UNC79: variants seen among roughly 807,000 people sequenced by gnomAD.
The protein encoded by UNC79 is protein unc-79 homolog.
In UNC79, 37 loss-of-function variants were observed where a neutral mutation model predicts 283.1. The observed-to-expected ratio is 0.13, with a 90% confidence interval of 0.10 to 0.17. The LOEUF (loss-of-function observed/expected upper bound fraction) is 0.17. Ranked by LOEUF, UNC79 falls within the 10% of genes least tolerant of loss-of-function variation. UNC79 has a pLI of 1.00. For synonymous variants in UNC79, 1,107 were observed against 1,200.2 expected (o/e 0.92, Z 1.61); for missense variants, 2,272 against 3,211.1 (o/e 0.71, Z 7.07).
At chr14:93,441,097 C>T (rs1455208214) in intron 1 of UNC79, among the ~76,000 whole-genome samples, 3 of 151,996 alleles carry the variant, frequency 2.0e-5, no homozygotes, top group Admixed American at 6.6e-5. Context: ...GCTGCTTAAT[C>T]GAAGTTATTA....
intron 8 of UNC79, 68 bp downstream of exon 8, chr14:93,524,110 A>G: frequency 1.1e-5 from 17 of 1,540,092 alleles, no homozygotes; most frequent in Non-Finnish European, 1.3e-5. Context: ...GAAGTGGAGT[A>G]GATTGCATCC....
intron 39 of UNC79, among the ~76,000 whole-genome samples, chr14:93,660,580 T>TGTGTGTG (rs1555394986): frequency 9.6e-5 from 13 of 135,922 alleles, no homozygotes; most frequent in Non-Finnish European, 1.6e-4. Flanking sequence ...TGTGTGTGTG[T>TGTGTGTG]TCATTTTATT....
intron 10 of UNC79, among the ~76,000 whole-genome samples, chr14:93,530,051 C>T (rs116139752): frequency 9.3e-4 from 141 of 152,178 alleles, no homozygotes; most frequent in African/African-American, 3.2e-3. Context: ...GAGTAGAGAT[C>T]GGGGCACAGG....
intron 20 of UNC79, 57 bp from the exon 21 acceptor site, chr14:93,586,537 GAT>G: frequency 7.0e-7 from 1 of 1,431,810 alleles, no homozygotes; most frequent in Non-Finnish European, 9.6e-7. Context: ...TTGATAAATT[GAT>G]GAATGATGGG....
chr14:93,564,563 G>A (rs948754976), intron 14 of UNC79, among the ~76,000 whole-genome samples: 7 of 152,334 alleles, frequency 4.6e-5, no homozygotes, highest in East Asian at 1.9e-4. Flanking sequence ...TCTGAGTCAC[G>A]GCACCGAATT....
chr14:93,512,366 G>A (rs2059866707), intron 7 of UNC79, among the ~76,000 whole-genome samples: 1 of 150,878 alleles, frequency 6.6e-6, no homozygotes, highest in African/African-American at 2.4e-5. Context: ...CTTGAGTGTG[G>A]TGGTTTTTGT....
At chr14:93,532,346 C>T (rs1446137426) in intron 10 of UNC79, among the ~76,000 whole-genome samples, 1 of 151,880 alleles carries the variant, frequency 6.6e-6, no homozygotes, top group African/African-American at 2.4e-5. Flanking sequence ...AAGCCCACAC[C>T]ACTGCCTAGC....
rs2075339278 is a variant in UNC79 at position 93,698,834 on chromosome 14, C to T, written c.7548+4422C>T. Among the ~76,000 whole-genome samples the T allele has an allele frequency of 2.0e-5, 3 of 152,084 alleles. No homozygotes were observed. The South Asian group carries it at 6.2e-4, about 32-fold the overall frequency. On this transcript the variant is annotated intron_variant, in intron 47 of 48. Coordinates refer to ENST00000555664, the Ensembl canonical transcript of UNC79. ...TATGTTCGTTATCTTGATTGTGGTG[C>T]ATGGCATAATGTAAGTCAAGACTTA...
chr14:93,555,068 C>CT (rs756484479), intron 14 of UNC79, among the ~76,000 whole-genome samples: 2 of 152,180 alleles, frequency 1.3e-5, no homozygotes, highest in Non-Finnish European at 2.9e-5. Context: ...AGTTTATAAT[C>CT]TTAAAGCATC....
intron 2 of UNC79, among the ~76,000 whole-genome samples, chr14:93,469,213 A>T (rs2057373323): frequency 6.6e-6 from 1 of 152,312 alleles, no homozygotes; most frequent in Middle Eastern, 3.4e-3. Flanking sequence ...GCAAGACGTA[A>T]AGATTCCATT....
intron 35 of UNC79, among the ~76,000 whole-genome samples, chr14:93,651,224 C>G (rs1231578598): frequency 6.6e-6 from 1 of 152,088 alleles, no homozygotes; most frequent in African/African-American, 2.4e-5. Context: ...TAGCATTAGT[C>G]CTCCAAATTT....
chr14:93,378,606 T>C (rs2054607033), intron 1 of UNC79, among the ~76,000 whole-genome samples: 1 of 152,208 alleles, frequency 6.6e-6, no homozygotes, highest in Admixed American at 6.5e-5. Context: ...AGCCTGAAGG[T>C]AATTCTATAC....
intron 5 of UNC79, among the ~76,000 whole-genome samples, chr14:93,488,556 G>C (rs1271142323): frequency 6.6e-6 from 1 of 151,896 alleles, no homozygotes; most frequent in African/African-American, 2.4e-5. Context: ...TTCTGACTCA[G>C]AATGAGGAAA....
At chr14:93,480,330 T>C (rs188275448) in intron 4 of UNC79, among the ~76,000 whole-genome samples, 3 of 152,238 alleles carry the variant, frequency 2.0e-5, no homozygotes, top group Admixed American at 6.5e-5. Context: ...AAAGAAGGGG[T>C]TTGAAAAAAA....
chr14:93,554,134 G>C (rs2062035411), intron 14 of UNC79, among the ~76,000 whole-genome samples: 1 of 152,090 alleles, frequency 6.6e-6, no homozygotes, highest in South Asian at 2.1e-4. Flanking sequence ...CAGATCACGA[G>C]GTCAGGAATT....
intron 7 of UNC79, among the ~76,000 whole-genome samples, chr14:93,512,134 G>A (rs576958577): frequency 6.6e-6 from 1 of 152,136 alleles, no homozygotes; most frequent in South Asian, 2.1e-4. Context: ...AAATATCTGG[G>A]CTCTAGTTAC....
intron 40 of UNC79, among the ~76,000 whole-genome samples, chr14:93,665,515 G>A (rs1228173629): frequency 1.3e-5 from 2 of 151,786 alleles, no homozygotes; most frequent in Non-Finnish European, 2.9e-5. Flanking sequence ...TTAATTTTCT[G>A]ATTCAGGAAG....
chr14:93,441,392 T>C (rs1411038206), intron 1 of UNC79, among the ~76,000 whole-genome samples: 1 of 152,134 alleles, frequency 6.6e-6, no homozygotes, highest in African/African-American at 2.4e-5. Context: ...TGAAAATCCT[T>C]TTCTTTTAAT....
intron 46 of UNC79, among the ~76,000 whole-genome samples, chr14:93,692,465 T>C (rs2074771779): frequency 6.6e-6 from 1 of 152,248 alleles, no homozygotes; most frequent in Non-Finnish European, 1.5e-5. Context: ...TGCTATAATG[T>C]CAGAGGGTTA....
Sources: allele counts gnomAD v4.1 joint callset (sites outside exome capture counted in the v4.1 genomes callset), GRCh38; gene constraint gnomAD v4.1.1; transcripts MANE v1.5; gene names NCBI Gene and HGNC (gene_info 2026-07-23, HGNC 2026-07-21).